RALGAPA2: variants seen among roughly 807,000 people sequenced by gnomAD.
RALGAPA2 encodes the protein ral GTPase-activating protein subunit alpha-2.
In RALGAPA2, 139 loss-of-function variants were observed where a neutral mutation model predicts 230.4. The observed-to-expected ratio is 0.60, with a 90% confidence interval of 0.53 to 0.69. The LOEUF is 0.69. Ranked by LOEUF, RALGAPA2 falls within the 30% of genes least tolerant of loss-of-function variation. The probability of loss-of-function intolerance (pLI) is 0.00; values close to 1 mark genes in which losing one functional copy is unlikely to be tolerated. For missense variants in RALGAPA2, 2,163 were observed against 2,276.0 expected (o/e 0.95, Z 1.01); for synonymous variants, 847 against 837.8 (o/e 1.01, Z -0.19).
chr20:20,458,439 T>C (rs2061176903), intron 37 of RALGAPA2, among the ~76,000 whole-genome samples: 1 of 140,698 alleles, frequency 7.1e-6, no homozygotes, highest in South Asian at 2.1e-4. Flanking sequence ...GTATTTTTTA[T>C]ATTACATATA....
chr20:20,530,441 G>T (rs1479259362), intron 27 of RALGAPA2, among the ~76,000 whole-genome samples: 1 of 152,204 alleles, frequency 6.6e-6, no homozygotes, highest in Non-Finnish European at 1.5e-5. Flanking sequence ...GGAGAAATAG[G>T]GGAGGATGAG....
At chr20:20,613,719 G>T (rs2066044563) in intron 13 of RALGAPA2, among the ~76,000 whole-genome samples, 1 of 151,992 alleles carries the variant, frequency 6.6e-6, no homozygotes, top group South Asian at 2.1e-4. Flanking sequence ...CTCCCATCAG[G>T]GCTTTTGTAT....
chr20:20,419,865 C>T (rs1009446257), intron 37 of RALGAPA2, among the ~76,000 whole-genome samples: 10 of 152,116 alleles, frequency 6.6e-5, no homozygotes, highest in African/African-American at 2.4e-4. Flanking sequence ...GTATTGAGTG[C>T]CCCCCTGTGC....
At chr20:20,689,662 T>C (rs1396357640) in intron 1 of RALGAPA2, among the ~76,000 whole-genome samples, 2 of 152,076 alleles carry the variant, frequency 1.3e-5, no homozygotes, top group Non-Finnish European at 2.9e-5. Context: ...AATAAAAAAA[T>C]ACAATATGTC....
At chr20:20,462,914 T>A (rs1008999915) in intron 37 of RALGAPA2, among the ~76,000 whole-genome samples, 2 of 152,178 alleles carry the variant, frequency 1.3e-5, no homozygotes, top group African/African-American at 4.8e-5. Context: ...AATCCCAGAG[T>A]CCACTAAACG....
chr20:20,645,106 CTTTTTTTTTTTTT>C (rs71198064), intron 4 of RALGAPA2, among the ~76,000 whole-genome samples: 1 of 59,462 alleles, frequency 1.7e-5, no homozygotes, highest in Non-Finnish European at 3.3e-5. Context: ...GGTGGTGGTG[CTTTTTTTTTTTTT>C]TTTTTTTTTT....
chr20:20,526,050 T>A (rs999834153), intron 28 of RALGAPA2, among the ~76,000 whole-genome samples: 17 of 152,188 alleles, frequency 1.1e-4, no homozygotes, highest in African/African-American at 3.4e-4. Context: ...TAAGCCTCTG[T>A]CTGGAATACT....
At chr20:20,519,300 AC>A (rs2062967428) in intron 31 of RALGAPA2, among the ~76,000 whole-genome samples, 1 of 152,010 alleles carries the variant, frequency 6.6e-6, no homozygotes, top group African/African-American at 2.4e-5. Flanking sequence ...CATGACTGTC[AC>A]CCCCAGTCCT....
intron 37 of RALGAPA2, among the ~76,000 whole-genome samples, chr20:20,448,677 C>T (rs1191309894): frequency 6.6e-6 from 1 of 152,126 alleles, no homozygotes; most frequent in Non-Finnish European, 1.5e-5. Context: ...GCATTTTTGA[C>T]ATTCAAGCAT....
At chr20:20,513,497 G>A (rs554400344) in intron 31 of RALGAPA2, among the ~76,000 whole-genome samples, 10 of 152,278 alleles carry the variant, frequency 6.6e-5, no homozygotes, top group South Asian at 2.1e-4. Flanking sequence ...CACTGGAATC[G>A]TGAAGGATGT....
chr20:20,520,001 C>T (rs1431016683), intron 31 of RALGAPA2, among the ~76,000 whole-genome samples: 3 of 152,116 alleles, frequency 2.0e-5, no homozygotes, highest in Non-Finnish European at 2.9e-5. Context: ...CTCGCCTTGG[C>T]CTCCCAAAGT....
chr20:20,630,604 C>T lies in RALGAPA2; in HGVS notation c.1006-1014G>A, dbSNP rs372819282. ...TGCTCACCTATGGAAATTATTTTAT[C>T]TTTTTTACAGATCCACTATCTTCCA... On this transcript the variant is annotated intron_variant, in intron 9 of 39. Coordinates refer to ENST00000202677, the MANE Select transcript of RALGAPA2 (RefSeq NM_020343.4). 4.9e-4 allele frequency among the ~76,000 whole-genome samples: 74 copies of T among 152,244 alleles called. No homozygotes were observed. The South Asian group carries it at 0.012, about 24-fold the overall frequency.
intron 7 of RALGAPA2, 62 bp downstream of exon 7, chr20:20,639,723 A>G (rs2066969011): frequency 8.8e-7 from 1 of 1,139,118 alleles, no homozygotes; most frequent in Non-Finnish European, 1.3e-6. Context: ...GAAAAGAGGC[A>G]ATATTTCCTC....
chr20:20,635,508 C>T lies in RALGAPA2; in HGVS notation c.915G>A (p.Lys305=). 6.3e-7 allele frequency: 1 copy of T among 1,595,264 alleles called. No homozygotes were observed. The change falls in exon 9 of 40, where the codon AAG becomes AAA. Residue 305 remains lysine (K), a synonymous_variant. Coordinates refer to ENST00000202677, the MANE Select transcript of RALGAPA2 (RefSeq NM_020343.4). ...TTTCCAAAAAGAAGGTTACAATCCACTTAATAAAAACAACACGAGCTGCCA... is the reference window on the plus strand; with the variant it reads ...TTTCCAAAAAGAAGGTTACAATCCATTTAATAAAAACAACACGAGCTGCCA... ...PYMAARVVFI[K]WIVTFFLEKK... is the part of the protein sequence containing the mutation.
chr20:20,441,985 T>C (rs2060750878), intron 37 of RALGAPA2, among the ~76,000 whole-genome samples: 1 of 152,192 alleles, frequency 6.6e-6, no homozygotes, highest in Admixed American at 6.5e-5. Context: ...TCTGAATAAA[T>C]TTAGAGAAAA....
chr20:20,454,515 G>A (rs923451094), intron 37 of RALGAPA2, among the ~76,000 whole-genome samples: 7 of 152,168 alleles, frequency 4.6e-5, no homozygotes, highest in African/African-American at 1.7e-4. Context: ...TTAACTTTAC[G>A]TTGTATCCTG....
At chr20:20,507,949 TTTTC>T (rs994520132) in intron 33 of RALGAPA2, among the ~76,000 whole-genome samples, 1 of 152,216 alleles carries the variant, frequency 6.6e-6, no homozygotes, top group Non-Finnish European at 1.5e-5. Context: ...AGCATTTAAT[TTTTC>T]TTTGTTTTAT....
chr20:20,486,020 T>C (rs1418263144), intron 36 of RALGAPA2, among the ~76,000 whole-genome samples: 2 of 152,048 alleles, frequency 1.3e-5, no homozygotes, highest in Non-Finnish European at 2.9e-5. Context: ...GTGCCTGTAG[T>C]CCCAGCTATC....
Position 20,412,198 on chromosome 20 carries a change from A to G in RALGAPA2, c.5496-50T>C, listed in dbSNP as rs79777566. 5.1e-3 allele frequency: 8,185 copies of G among 1,602,834 alleles called. 331 individuals carry two copies. The African/African-American group carries it at 0.093, about 18-fold the overall frequency. On this transcript the variant is annotated intron_variant, in intron 37 of 39. Coordinates refer to ENST00000202677, the MANE Select transcript of RALGAPA2 (RefSeq NM_020343.4). The stretch of plus-strand genomic sequence containing the variant: ...AGTGCACGTGCAAAGTGGCATGCAG[A>G]GCAGTGACAGAATTCACTTTTAATA...
Sources: gnomAD v4.1 joint callset for allele counts (sites outside exome capture counted in the v4.1 genomes callset) on GRCh38, gnomAD v4.1.1 for gene constraint, MANE v1.5 for transcripts, NCBI Gene and HGNC (gene_info 2026-07-23, HGNC 2026-07-21) for gene names.